The following SEZ6L variants were observed in gnomAD, a reference collection of about 807,000 sequenced individuals.
The protein encoded by SEZ6L is seizure related 6 homolog like.
Under a neutral mutation model 106.2 loss-of-function variants are expected in SEZ6L, and 37 were observed. That is an observed-to-expected ratio of 0.35 (90% CI 0.27 to 0.46). The LOEUF is 0.46. Ranked by LOEUF, SEZ6L falls within the 20% of genes least tolerant of loss-of-function variation. The pLI, the probability that SEZ6L is intolerant of heterozygous loss-of-function variation, is 1.00. For missense variants in SEZ6L, 1,172 were observed against 1,332.8 expected, an observed-to-expected ratio of 0.88 and a Z score of 1.88; for synonymous variants, 541 against 570.4, an observed-to-expected ratio of 0.95 and a Z score of 0.73.
chr22:26,192,185 TC>T (rs1940264378), intron 1 of SEZ6L, among the ~76,000 whole-genome samples: 1 of 152,190 alleles, frequency 6.6e-6, no homozygotes, highest in Non-Finnish European at 1.5e-5. Context: ...TGTCCACTCA[TC>T]CACCTGTTGA....
chr22:26,294,035 C>A (rs9625008), intron 2 of SEZ6L, among the ~76,000 whole-genome samples: 8,613 of 152,208 alleles, frequency 0.057, 556 homozygotes, highest in African/African-American at 0.16. Context: ...TATTATCAGT[C>A]CCTATGAGAA....
chr22:26,307,352 C>T (rs2081663177), intron 6 of SEZ6L, among the ~76,000 whole-genome samples: 1 of 152,104 alleles, frequency 6.6e-6, no homozygotes, highest in South Asian at 2.1e-4. Flanking sequence ...GCAGTGTTTA[C>T]TGCACTTCCA....
At chr22:26,201,524 C>G (rs1419400923) in intron 1 of SEZ6L, among the ~76,000 whole-genome samples, 2 of 151,718 alleles carry the variant, frequency 1.3e-5, no homozygotes, top group African/African-American at 4.8e-5. Flanking sequence ...TTGTGCCACT[C>G]TACTCCAGCC....
rs1451708726 is a variant in SEZ6L at position 26,297,229 on chromosome 22, T to C, written c.1162+149T>C. Reference sequence around the variant, plus strand: ...TCTCAGAATAATGTTTTTAAAAGTATAAAATAAAATATATACAATTTTAAA... The same window carrying C: ...TCTCAGAATAATGTTTTTAAAAGTACAAAATAAAATATATACAATTTTAAA... On this transcript the variant is annotated intron_variant, in intron 4 of 16. Coordinates refer to ENST00000248933, the MANE Select transcript of SEZ6L (RefSeq NM_021115.5). 6 of 550,204 alleles carry C rather than the reference T, an allele frequency of 1.1e-5. No homozygotes were observed. In the East Asian group the frequency reaches 1.9e-4, roughly 17 times the overall value. The allele number at this position is 550,204 out of a possible 1,614,324, so 34.1% of individuals were successfully genotyped here.
chr22:26,287,352 T>C (rs546101727), intron 1 of SEZ6L, among the ~76,000 whole-genome samples: 1 of 152,194 alleles, frequency 6.6e-6, no homozygotes, highest in Non-Finnish European at 1.5e-5. Context: ...ATGTTCACTC[T>C]CTTGTGTCGG....
rs765386596 is a variant in SEZ6L, at chr22:26,365,491, C to G, written c.2719C>G (p.Leu907Val). 1.9e-6 allele frequency: 3 copies of G among 1,614,088 alleles called. No individual in the cohort carries two copies. In the Admixed American group the frequency reaches 5.0e-5, roughly 27 times the overall value. Residue 907 changes from leucine (L) to valine (V), a missense_variant, in exon 13 of 17, where the codon CTC becomes GTC. Physicochemically the swap from Leu to Val is conservative, Grantham distance 32 (BLOSUM62 1). Coordinates refer to ENST00000248933, the MANE Select transcript of SEZ6L (RefSeq NM_021115.5). ...LTFMCYEGFE[L>V]MGEVTIRCIL... is the part of the protein sequence containing the mutation. ...CTTCATGTGCTACGAAGGCTTTGAGCTCATGGGTGAAGTGACCATCCGCTG... is the reference window on the plus strand; with the variant it reads ...CTTCATGTGCTACGAAGGCTTTGAGGTCATGGGTGAAGTGACCATCCGCTG...
At chr22:26,216,119 A>C (rs1379484422) in intron 1 of SEZ6L, among the ~76,000 whole-genome samples, 1 of 151,948 alleles carries the variant, frequency 6.6e-6, no homozygotes, top group East Asian at 1.9e-4. Context: ...CAAAGCCCAG[A>C]GAGGAAGAAA....
chr22:26,312,402 AAGT>A (rs1349566638), intron 8 of SEZ6L, among the ~76,000 whole-genome samples: 2 of 152,184 alleles, frequency 1.3e-5, no homozygotes, highest in African/African-American at 4.8e-5. Context: ...TAGCCTTATA[AAGT>A]AGATTGTATC....
At chr22:26,233,565 G>C (rs953930130) in intron 1 of SEZ6L, among the ~76,000 whole-genome samples, 24 of 152,242 alleles carry the variant, frequency 1.6e-4, no homozygotes, top group African/African-American at 5.8e-4. Flanking sequence ...CGAGCATGCG[G>C]ACCAAGGTCC....
At chr22:26,322,878 T>C (rs2082194878) in intron 9 of SEZ6L, among the ~76,000 whole-genome samples, 1 of 152,194 alleles carries the variant, frequency 6.6e-6, no homozygotes, top group South Asian at 2.1e-4. Flanking sequence ...CAGAAACTTT[T>C]AAACCCTAAG....
At chr22:26,260,955 G>T (rs1044667656) in intron 1 of SEZ6L, among the ~76,000 whole-genome samples, 3 of 152,088 alleles carry the variant, frequency 2.0e-5, no homozygotes, top group Non-Finnish European at 4.4e-5. Context: ...TTGCATTGTG[G>T]ATTTGATTTT....
chr22:26,356,512 C>T (rs551471084), intron 12 of SEZ6L, among the ~76,000 whole-genome samples: 9 of 151,586 alleles, frequency 5.9e-5, no homozygotes, highest in African/African-American at 9.7e-5. Context: ...TGTGGTGGCA[C>T]GTGCCTGTAA....
intron 1 of SEZ6L, among the ~76,000 whole-genome samples, chr22:26,199,290 G>A (rs558477179): frequency 1.3e-5 from 2 of 152,314 alleles, no homozygotes; most frequent in East Asian, 3.9e-4. Context: ...CTGTTGCTTA[G>A]TAGGGACTGA....
At chr22:26,356,641 CAAATAATAATAA>C (rs1300421397) in intron 12 of SEZ6L, among the ~76,000 whole-genome samples, 2 of 112,156 alleles carry the variant, frequency 1.8e-5, no homozygotes, top group Non-Finnish European at 1.8e-5. Context: ...GATTCTGTCT[CAAATAATAATAA>C]TAATAATAAT....
intron 1 of SEZ6L, among the ~76,000 whole-genome samples, chr22:26,244,899 A>T (rs1159273370): frequency 3.3e-5 from 5 of 152,144 alleles, no homozygotes; most frequent in African/African-American, 7.2e-5. Flanking sequence ...AGGGAGACTT[A>T]AATAGCAGAA....
intron 1 of SEZ6L, among the ~76,000 whole-genome samples, chr22:26,248,873 A>G (rs759865734): frequency 6.6e-6 from 1 of 152,348 alleles, no homozygotes; most frequent in East Asian, 1.9e-4. Flanking sequence ...TGAAGCGGCT[A>G]TGCAAGACTG....
intron 9 of SEZ6L, among the ~76,000 whole-genome samples, chr22:26,330,079 T>C (rs6005015): frequency 0.37 from 55,557 of 152,152 alleles, 10,925 homozygotes; most frequent in African/African-American, 0.47. Flanking sequence ...GACATAAATT[T>C]GCCGTCATTC....
At chr22:26,184,964 G>A (rs1939673299) in intron 1 of SEZ6L, among the ~76,000 whole-genome samples, 1 of 152,144 alleles carries the variant, frequency 6.6e-6, no homozygotes, top group African/African-American at 2.4e-5. Context: ...TATGGCTGTA[G>A]TCCCAGCTAC....
intron 1 of SEZ6L, among the ~76,000 whole-genome samples, chr22:26,197,301 G>C (rs1436634520): frequency 6.6e-6 from 1 of 152,148 alleles, no homozygotes; most frequent in Non-Finnish European, 1.5e-5. Flanking sequence ...CTCCATAAAT[G>C]CTCATTGAAA....
Sources: gnomAD v4.1 joint callset for allele counts (sites outside exome capture counted in the v4.1 genomes callset) on GRCh38, gnomAD v4.1.1 for gene constraint, MANE v1.5 for transcripts, NCBI Gene and HGNC (gene_info 2026-07-23, HGNC 2026-07-21) for gene names.